CNTFR: variants seen among roughly 807,000 people sequenced by gnomAD.
CNTFR encodes the protein ciliary neurotrophic factor receptor.
CNTFR carries 12 observed loss-of-function variants against 40.4 expected under a neutral mutation model. That is an observed-to-expected ratio of 0.30 (90% CI 0.19 to 0.48). The LOEUF is 0.48. Ranked by LOEUF, CNTFR falls within the 20% of genes least tolerant of loss-of-function variation. The pLI, the probability that CNTFR is intolerant of heterozygous loss-of-function variation, is 0.99. For synonymous variants in CNTFR, 202 were observed against 209.6 expected, an observed-to-expected ratio of 0.96 and a Z score of 0.31; for missense variants, 414 against 506.8, an observed-to-expected ratio of 0.82 and a Z score of 1.76.
chr9:34,564,079 G>A (rs551356970), intron 4 of CNTFR, among the ~76,000 whole-genome samples: 5 of 152,128 alleles, frequency 3.3e-5, no homozygotes, highest in Non-Finnish European at 5.9e-5. Flanking sequence ...GTTTCAATGC[G>A]TCTTCTAAAT....
At chr9:34,562,651 A>G (rs1165312981) in intron 4 of CNTFR, among the ~76,000 whole-genome samples, 3 of 152,228 alleles carry the variant, frequency 2.0e-5, no homozygotes, top group African/African-American at 7.2e-5. Context: ...GAATAAGGAG[A>G]CGACTTTTGG....
At chr9:34,558,041 G>A in intron 4 of CNTFR, 57 bp from the exon 5 acceptor site, 3 of 1,231,220 alleles carry the variant, frequency 2.4e-6, no homozygotes, top group Non-Finnish European at 3.3e-6. Flanking sequence ...CCCCTGCACT[G>A]TATGGGGACA....
intron 3 of CNTFR, among the ~76,000 whole-genome samples, chr9:34,565,363 C>A (rs1271532330): frequency 2.0e-5 from 3 of 151,928 alleles, no homozygotes; most frequent in African/African-American, 7.3e-5. Flanking sequence ...TCTGTCCTGT[C>A]TCTACCCCCC....
At chr9:34,590,559 G>A (rs1393012171), upstream of CNTFR, among the ~76,000 whole-genome samples, 1 of 152,252 alleles carries the variant, frequency 6.6e-6, no homozygotes, top group Admixed American at 6.5e-5. Context: ...CCAGGCCCAT[G>A]CCTCCAGTGT....
chr9:34,559,804 C>T (rs1196482751), intron 4 of CNTFR, among the ~76,000 whole-genome samples: 1 of 152,190 alleles, frequency 6.6e-6, no homozygotes, highest in Non-Finnish European at 1.5e-5. Context: ...CTCCCTGCTG[C>T]CCCGGACTCC....
chr9:34,552,008 A>G lies in CNTFR; in HGVS notation c.*63T>C. 1 of 929,008 alleles carries G rather than the reference A, an allele frequency of 1.1e-6. No individual in the cohort carries two copies. Among genetic ancestry groups the G allele is most frequent in the Middle Eastern group, 3.0e-4 (1 of 3,294 alleles). 57.5% of individuals were successfully genotyped at this position (929,008 alleles called of 1,614,324 possible). A position where few individuals can be genotyped will look rare whatever the true frequency, so the allele number is the denominator to read the frequency against. On this transcript the variant is annotated 3_prime_UTR_variant, in exon 10 of 10. Transcript: ENST00000378980. This position sits in a 1 kb window ranked among gnomAD's most constrained non-coding sequence, Gnocchi z 5.1. ...GTGCAAAATAGAAACCGGGGTCTGCAGGCTCAGCTCCGGCCTCCTGCTCCT... is the reference window on the plus strand; with the variant it reads ...GTGCAAAATAGAAACCGGGGTCTGCGGGCTCAGCTCCGGCCTCCTGCTCCT...
rs1209122193 is a variant in CNTFR at position 34,557,830 on chromosome 9, T to A, written c.437+37A>T. On this transcript the variant is annotated intron_variant, in intron 5 of 9. Coordinates refer to ENST00000378980, the MANE Select transcript of CNTFR (RefSeq NM_147164.3). The surrounding 1 kb of genome is among the most constrained non-coding windows in gnomAD (Gnocchi z 4.2). ...GGTGGGATGGGGGAGAGGTCAGAGG[T>A]CAGGGCTGGACCCGGGTCACAGGCG... 1.9e-6 allele frequency: 3 copies of A among 1,547,314 alleles called. No individual in the cohort carries two copies. Among genetic ancestry groups the A allele is most frequent in the African/African-American group, 2.7e-5 (2 of 73,354 alleles).
chr9:34,586,170 G>A lies in CNTFR; in HGVS notation c.-112+3385C>T, dbSNP rs546359498. 5.3e-5 allele frequency among the ~76,000 whole-genome samples: 8 copies of A among 152,254 alleles called. No individual in the cohort carries two copies. In the East Asian group the frequency reaches 1.5e-3, roughly 29 times the overall value. ...GCAAAGTCCAGGGCAGGGTCTCCAC[G>A]GGAGTTAGAATCCCAGGGCTGGCTG... is the stretch of plus-strand genomic sequence containing the variant. On this transcript the variant is annotated intron_variant, in intron 1 of 9. Transcript: ENST00000378980.
intron 7 of CNTFR, among the ~76,000 whole-genome samples, chr9:34,554,980 C>T (rs554842719): frequency 1.4e-4 from 21 of 152,340 alleles, no homozygotes; most frequent in South Asian, 8.3e-4. Flanking sequence ...GTCAGTTTTG[C>T]GCATGGTCTC....
chr9:34,559,268 C>T (rs1825972195), intron 4 of CNTFR, among the ~76,000 whole-genome samples: 2 of 152,210 alleles, frequency 1.3e-5, no homozygotes, highest in Middle Eastern at 3.4e-3. Context: ...TGTGTGATTG[C>T]GTGTGCGTGT....
At chr9:34,571,561 T>TACACACAC (rs145378339) in intron 2 of CNTFR, 4,190 of 148,628 alleles carry the variant, frequency 0.028, 79 homozygotes, top group Admixed American at 0.054. Context: ...CGCGTGCGCA[T>TACACACAC]ACACACACAC....
chr9:34,582,276 C>CAAAAAAAAAAA (rs10601840), intron 1 of CNTFR: 54 of 126,534 alleles, frequency 4.3e-4, no homozygotes, highest in African/African-American at 1.6e-3. Context: ...AACCCTATGG[C>CAAAAAAAAAAA]AAAAAAAAAA....
At chr9:34,575,669 ACC>A (rs1564071446) in intron 2 of CNTFR, among the ~76,000 whole-genome samples, 3 of 135,356 alleles carry the variant, frequency 2.2e-5, no homozygotes, top group African/African-American at 8.3e-5. Flanking sequence ...TCACACACAC[ACC>A]CACCCACCCA....
At chr9:34,580,602 T>G (rs1483860741) in intron 2 of CNTFR, among the ~76,000 whole-genome samples, 1 of 152,168 alleles carries the variant, frequency 6.6e-6, no homozygotes, top group Non-Finnish European at 1.5e-5. Flanking sequence ...ATGCCTTGGA[T>G]GCCCCCACCC....
At chr9:34,558,111 C>A in intron 4 of CNTFR, 127 bp from the exon 5 acceptor site, 1 of 614,096 alleles carries the variant, frequency 1.6e-6, no homozygotes, top group Non-Finnish European at 2.6e-6. Context: ...AAAGTTGTGG[C>A]GGGGAGGCTG....
intron 4 of CNTFR, among the ~76,000 whole-genome samples, chr9:34,564,098 G>A (rs966374456): frequency 3.3e-5 from 5 of 152,070 alleles, no homozygotes; most frequent in Non-Finnish European, 7.4e-5. Context: ...ATCACCGTTC[G>A]CTTCCCAAGT....
chr9:34,570,754 A>C (rs1183740050), intron 2 of CNTFR, among the ~76,000 whole-genome samples: 3 of 152,304 alleles, frequency 2.0e-5, no homozygotes, highest in African/African-American at 7.2e-5. Flanking sequence ...ATATACCCCG[A>C]GAAAGTGCCA....
chr9:34,565,179 G>T (rs1437853257), intron 3 of CNTFR, among the ~76,000 whole-genome samples: 1 of 152,046 alleles, frequency 6.6e-6, no homozygotes, highest in Non-Finnish European at 1.5e-5. Flanking sequence ...TCCAGTCCCT[G>T]GGTTTTTTAA....
rs943350398 is a variant in CNTFR at position 34,589,067 on chromosome 9, A to G, written c.-112+488T>C. Among the ~76,000 whole-genome samples, 25 of 150,952 alleles carry G rather than the reference A, an allele frequency of 1.7e-4. No individual in the cohort carries two copies. The highest frequency in any genetic ancestry group is 3.2e-4 in the Non-Finnish European group (22 of 67,934). Reference sequence around the variant, plus strand: ...GACCGACACACACATGCACACACACACGCGCGCGCGGGCGCGCGGATTCAC... The same window carrying G: ...GACCGACACACACATGCACACACACGCGCGCGCGCGGGCGCGCGGATTCAC... On this transcript the variant is annotated intron_variant, in intron 1 of 9. Transcript: ENST00000378980. This position sits in a 1 kb window ranked among gnomAD's most constrained non-coding sequence, Gnocchi z 4.4.
Sources: allele counts gnomAD v4.1 joint callset (sites outside exome capture counted in the v4.1 genomes callset), GRCh38; gene constraint gnomAD v4.1.1; non-coding constraint Gnocchi (gnomAD v3.1); transcripts MANE v1.5; gene names NCBI Gene and HGNC (gene_info 2026-07-23, HGNC 2026-07-21).